Variants in VIL1 observed in about 807,000 individuals in gnomAD.
VIL1 encodes villin 1, also known as villin-1.
A neutral mutation model predicts 104.0 loss-of-function variants in VIL1; 86 were observed. That is an observed-to-expected ratio of 0.83 (90% confidence interval 0.69 to 0.99). The LOEUF (loss-of-function observed/expected upper bound fraction) is 0.99. Ranked by LOEUF, VIL1 falls within the 50% of genes least tolerant of loss-of-function variation. VIL1 has a pLI of 0.00. For missense variants in VIL1, 944 were observed against 1,054.1 expected, an observed-to-expected ratio of 0.90 and a Z score of 1.45; for synonymous variants, 394 against 412.6, an observed-to-expected ratio of 0.95 and a Z score of 0.55.
In VIL1 at chr2:218,430,723, AG is replaced by A. The variant is rs1468491028; in HGVS notation, c.949-1del. The A allele has an allele frequency of 2.5e-6, 4 of 1,579,604 alleles. No homozygotes were observed. ...GCTTCCAGCCACCCCTTTCTCTTCC[AG>A]AACTTCATCAAAGCCAAGCAGTACC... On this transcript the variant is annotated splice_acceptor_variant, in intron 9 of 19. Coordinates refer to ENST00000248444, the MANE Select transcript of VIL1 (RefSeq NM_007127.3). LOFTEE classifies it high-confidence loss of function.
At chr2:218,434,365 C>T (rs760405223) in intron 13 of VIL1, among the ~76,000 whole-genome samples, 161 bp from the exon 14 acceptor site, 6 of 152,094 alleles carry the variant, frequency 3.9e-5, no homozygotes, top group East Asian at 1.9e-4. Context: ...AAAAGAGAAA[C>T]GCTGTGATGC....
intron 17 of VIL1, among the ~76,000 whole-genome samples, chr2:218,438,146 C>T (rs973419445): frequency 2.0e-5 from 3 of 150,992 alleles, no homozygotes; most frequent in Admixed American, 1.3e-4. Context: ...TGTGTGCTGG[C>T]TTCTCTCTCA....
chr2:218,448,452 C>T (rs1689404035), intron 19 of VIL1, among the ~76,000 whole-genome samples: 1 of 151,808 alleles, frequency 6.6e-6, no homozygotes, highest in South Asian at 2.1e-4. Flanking sequence ...GTAGTCCTAG[C>T]TACTCAGGAG....
chr2:218,420,428 C>CAAAAAAAAA (rs71064447), intron 1 of VIL1, among the ~76,000 whole-genome samples: 7 of 80,198 alleles, frequency 8.7e-5, no homozygotes, highest in East Asian at 3.6e-4. Context: ...GACTCTGTCT[C>CAAAAAAAAA]AAAAAAAAAA....
intron 18 of VIL1, 121 bp from the exon 19 acceptor site, chr2:218,440,601 G>T (rs1035322088): frequency 5.1e-6 from 6 of 1,171,012 alleles, no homozygotes; most frequent in African/African-American, 1.5e-5. Flanking sequence ...TGTGTGGCAG[G>T]GTGGGGTGGG....
At position 218,436,559 on chromosome 2, in the gene VIL1, A is replaced by G. The variant is rs779934240; in HGVS notation, c.1904A>G (p.Glu635Gly). 6.2e-7 allele frequency: 1 copy of G among 1,614,128 alleles called. No individual in the cohort carries two copies. ...SNKTGRFLATEIPDFNQDDLE... is the reference protein window; with the variant it reads ...SNKTGRFLATGIPDFNQDDLE... Reference sequence around the variant, plus strand: ...AAGACTGGGCGCTTCCTGGCCACAGAGATCCCTGACTTCAATCAGGATGAC... The same window carrying G: ...AAGACTGGGCGCTTCCTGGCCACAGGGATCCCTGACTTCAATCAGGATGAC... Residue 635 changes from glutamate (E) to glycine (G), a missense_variant, in exon 16 of 20, where the codon GAG becomes GGG. Transcript: ENST00000248444.
In VIL1 at chr2:218,430,808, GC is replaced by G. The variant is rs1689081948; in HGVS notation, c.1033del (p.Leu345SerfsTer14). The G allele has an allele frequency of 1.9e-6, 3 of 1,613,980 alleles. No homozygotes were observed. The highest frequency in any genetic ancestry group is 2.5e-6 in the Non-Finnish European group (3 of 1,179,928). ...GGGCTGAGTCGGCCGTCTTTCAGCA[GC>G]TCTTCCAGAAGTGGACAGCGTCCAA... Reference protein sequence around the residue: ...DGAESAVFQQLFQKWTASNRT... With the variant: ...DGAESAVFQQXFQKWTASNRT... On this transcript the variant is annotated frameshift_variant, in exon 10 of 20. Transcript: ENST00000248444. LOFTEE classifies it high-confidence loss of function.
rs79268289 is a variant in VIL1 at position 218,441,111 on chromosome 2, G to A, written c.2370+249G>A. On this transcript the variant is annotated intron_variant, in intron 19 of 19. Coordinates refer to ENST00000248444, the MANE Select transcript of VIL1 (RefSeq NM_007127.3). The stretch of plus-strand genomic sequence containing the variant: ...TGTGAAGAGTATTACAAACAGGGCC[G>A]GGTGCAGTGGCTCATGCCTGTAATC... Among the ~76,000 whole-genome samples the A allele has an allele frequency of 0.014, 2,172 of 152,286 alleles. 49 individuals are homozygous for A. Among genetic ancestry groups the A allele is most frequent in the African/African-American group, 0.048 (2,004 of 41,548 alleles).
chr2:218,428,262 T>C lies in VIL1; in HGVS notation c.492T>C (p.Asp164=). The C allele has an allele frequency of 6.2e-7, 1 of 1,614,158 alleles. No homozygotes were observed. Among genetic ancestry groups the C allele is most frequent in the Non-Finnish European group, 8.5e-7 (1 of 1,180,030 alleles). The change falls in exon 6 of 20, where the codon GAT becomes GAC. Residue 164 remains aspartate (D), a synonymous_variant. Transcript: ENST00000248444. The part of the protein sequence containing the change: ...EMSWKSFNRG[D]VFLLDLGKLI... ...CCTGGAAGAGTTTCAACCGAGGGGATGTTTTCCTCCTGGACCTTGGGAAGC... is the reference window on the plus strand; with the variant it reads ...CCTGGAAGAGTTTCAACCGAGGGGACGTTTTCCTCCTGGACCTTGGGAAGC...
chr2:218,449,397 C>A lies in VIL1; in HGVS notation c.*61C>A. On this transcript the variant is annotated 3_prime_UTR_variant, in exon 20 of 20. Transcript: ENST00000248444. ...CTGATTGTAGGGTCTCATTTTCTCA[C>A]CGATATTAGTCCTACACCAATTGAA... 7.4e-7 allele frequency: 1 copy of A among 1,359,106 alleles called. No homozygotes were observed. Among genetic ancestry groups the A allele is most frequent in the South Asian group, 1.2e-5 (1 of 85,508 alleles). The allele number at this position is 1,359,106 out of a possible 1,614,324, so 84.2% of individuals were successfully genotyped here. A position where few individuals can be genotyped will look rare whatever the true frequency, so the allele number is the denominator to read the frequency against.
rs754935489 is a variant in VIL1, at chr2:218,434,587, A to G, written c.1562A>G (p.Gln521Arg). The G allele has an allele frequency of 3.1e-6, 5 of 1,614,024 alleles. No homozygotes were observed. The highest frequency in any genetic ancestry group is 1.7e-5 in the Admixed American group (1 of 59,982). Residue 521 changes from glutamine to arginine, a missense_variant, in exon 14 of 20, where the codon CAG (glutamine) becomes CGG (arginine). Transcript: ENST00000248444. The part of the protein sequence containing the change: ...TGPSTRLFQV[Q>R]GTGANNTKAF... ...CCCTCCACACGGCTGTTCCAGGTCC[A>G]GGGAACTGGCGCCAACAACACCAAG...
At chr2:218,420,202 G>A (rs1397481157) in intron 1 of VIL1, among the ~76,000 whole-genome samples, 1 of 152,062 alleles carries the variant, frequency 6.6e-6, no homozygotes, top group Non-Finnish European at 1.5e-5. Flanking sequence ...GGCCAAGTGG[G>A]GTGGATCACT....
At position 218,452,665 on chromosome 2, in the gene VIL1, T is replaced by G. The variant is rs968711831; in HGVS notation, c.*3329T>G. On this transcript the variant is annotated 3_prime_UTR_variant, in exon 20 of 20. Coordinates refer to ENST00000248444, the MANE Select transcript of VIL1 (RefSeq NM_007127.3). Reference sequence around the variant, plus strand: ...AATCAGGTTTCTGAGGTAAGTGTACTTCTAAACCATACACACATGAAAGCT... The same window carrying G: ...AATCAGGTTTCTGAGGTAAGTGTACGTCTAAACCATACACACATGAAAGCT... The G allele has an allele frequency of 6.6e-6, 1 of 152,230 alleles. No individual in the cohort carries two copies. The highest frequency in any genetic ancestry group is 6.5e-5 in the Admixed American group (1 of 15,284). The allele number at this position is 152,230 out of a possible 1,614,324, so 9.4% of individuals were successfully genotyped here.
rs1212510732 is a variant in VIL1, at chr2:218,436,636, A to G, written c.1971+10A>G. On this transcript the variant is annotated intron_variant, in intron 16 of 19. Transcript: ENST00000248444. ...AGATGTCTGGGACCAGGTAGGACCA[A>G]GGGCCTGGGGACCCCTCTTCCCAGC... 1 of 1,612,926 alleles carries G rather than the reference A, an allele frequency of 6.2e-7. No homozygotes were observed. The highest frequency in any genetic ancestry group is 1.1e-5 in the South Asian group (1 of 90,872).
At chr2:218,437,445 G>C in intron 17 of VIL1, 133 bp downstream of exon 17, 1 of 1,230,084 alleles carries the variant, frequency 8.1e-7, no homozygotes, top group Non-Finnish European at 1.1e-6. Flanking sequence ...GCTTAGAATA[G>C]AAAGTAAGGC....
At chr2:218,420,592 T>G (rs200334417) in intron 1 of VIL1, among the ~76,000 whole-genome samples, 9,853 of 118,242 alleles carry the variant, frequency 0.083, 484 homozygotes, top group East Asian at 0.15. Context: ...TTTTTTTTTT[T>G]GTTTTTTTTT....
chr2:218,448,080 T>A (rs193297052), intron 19 of VIL1, among the ~76,000 whole-genome samples: 121 of 151,538 alleles, frequency 8.0e-4, no homozygotes, highest in Non-Finnish European at 2.4e-4. Flanking sequence ...GGCAACATGG[T>A]GAAACTTGAT....
At position 218,431,932 on chromosome 2, in the gene VIL1, T is replaced by C; in HGVS notation, c.1178T>C (p.Val393Ala). ...CAGGTGGCTGCCCAGCAGAAGATGG[T>C]AGATGATGGGAGTGGGGAAGTGCAG... ...KPQVAAQQKM[V>A]DDGSGEVQVW... Residue 393 changes from valine to alanine, a missense_variant, in exon 11 of 20, where the codon GTA becomes GCA. By Grantham distance (64) the Val-to-Ala change is moderately conservative. Coordinates refer to ENST00000248444, the MANE Select transcript of VIL1 (RefSeq NM_007127.3). 1.2e-6 allele frequency: 2 copies of C among 1,613,660 alleles called. No individual in the cohort carries two copies. The highest frequency in any genetic ancestry group is 8.5e-7 in the Non-Finnish European group (1 of 1,179,932).
intron 19 of VIL1, among the ~76,000 whole-genome samples, chr2:218,441,279 C>T (rs1012550250): frequency 3.5e-4 from 53 of 151,784 alleles, no homozygotes; most frequent in African/African-American, 1.3e-3. Flanking sequence ...ATCCCAGCTA[C>T]TCGGGAGGCT....
Sources: allele counts gnomAD v4.1 joint callset (sites outside exome capture counted in the v4.1 genomes callset), GRCh38; gene constraint gnomAD v4.1.1; transcripts MANE v1.5; gene names NCBI Gene and HGNC (gene_info 2026-07-23, HGNC 2026-07-21).